Variants in PLXDC2 observed in about 807,000 individuals in gnomAD.
The protein encoded by PLXDC2 is plexin domain containing 2, also known as plexin domain-containing protein 2.
In PLXDC2, 40 loss-of-function variants were observed where a neutral mutation model predicts 68.9. The ratio of observed to expected loss-of-function variants is 0.58; its 90% CI spans 0.45 to 0.76. PLXDC2 has a LOEUF of 0.76. Among genes scored for constraint, PLXDC2 ranks in the 30% least tolerant of loss-of-function variants. The pLI, the probability that PLXDC2 is intolerant of heterozygous loss-of-function variation, is 0.00. For missense variants in PLXDC2, 644 were observed against 661.9 expected (o/e 0.97, Z 0.30); for synonymous variants, 243 against 234.2 (o/e 1.04, Z -0.34).
At chr10:19,934,440 G>C (rs145820242) in intron 1 of PLXDC2, among the ~76,000 whole-genome samples, 81 of 152,282 alleles carry the variant, frequency 5.3e-4, no homozygotes, top group African/African-American at 1.7e-3. Flanking sequence ...AACAACAAGA[G>C]AGATGCCACC....
chr10:20,034,935 G>A (rs770508419), intron 2 of PLXDC2, among the ~76,000 whole-genome samples: 11 of 152,116 alleles, frequency 7.2e-5, no homozygotes, highest in Non-Finnish European at 1.5e-4. Context: ...ACTCCATAAT[G>A]TTTGTACAAT....
chr10:20,147,950 G>C, intron 6 of PLXDC2, 48 bp downstream of exon 6: 1 of 1,284,600 alleles, frequency 7.8e-7, no homozygotes, highest in East Asian at 2.3e-5. Flanking sequence ...GTTCTTGACT[G>C]CTGCCTTTCC....
chr10:20,193,614 T>C (rs1429207188), intron 9 of PLXDC2, among the ~76,000 whole-genome samples: 1 of 152,110 alleles, frequency 6.6e-6, no homozygotes, highest in African/African-American at 2.4e-5. Context: ...TAGCTTTTGC[T>C]ATAAATATTT....
chr10:20,089,414 C>T (rs1176477597), intron 4 of PLXDC2, among the ~76,000 whole-genome samples: 2 of 152,080 alleles, frequency 1.3e-5, no homozygotes, highest in South Asian at 4.1e-4. Context: ...GTAAACTGCA[C>T]ACATGTGTTT....
chr10:20,191,616 G>A (rs369937022), intron 9 of PLXDC2, among the ~76,000 whole-genome samples: 12 of 151,048 alleles, frequency 7.9e-5, no homozygotes, highest in African/African-American at 2.7e-4. Flanking sequence ...GCCCTGGTGT[G>A]TGTTGTTCCC....
At chr10:19,935,404 A>G (rs1833706457) in intron 1 of PLXDC2, among the ~76,000 whole-genome samples, 1 of 152,186 alleles carries the variant, frequency 6.6e-6, no homozygotes, top group Non-Finnish European at 1.5e-5. Flanking sequence ...GGCCCATGGA[A>G]GAACCCAAGG....
At chr10:20,010,759 A>G (rs1472930702) in intron 2 of PLXDC2, among the ~76,000 whole-genome samples, 3 of 152,218 alleles carry the variant, frequency 2.0e-5, no homozygotes, top group African/African-American at 4.8e-5. Context: ...ATGTTCAAAG[A>G]GAAATCTCAT....
intron 2 of PLXDC2, among the ~76,000 whole-genome samples, chr10:20,016,926 G>A (rs11011740): frequency 0.21 from 31,402 of 152,054 alleles, 3,411 homozygotes; most frequent in East Asian, 0.39. Flanking sequence ...TACAGGGAAA[G>A]CATCTTCCTG....
chr10:20,264,809 ATAGG>A (rs1445253902), intron 13 of PLXDC2, among the ~76,000 whole-genome samples: 1 of 152,072 alleles, frequency 6.6e-6, no homozygotes, highest in Non-Finnish European at 1.5e-5. Context: ...CATCTGGATA[ATAGG>A]AAAGAAAAAA....
rs11307851 is a variant in PLXDC2 at position 20,185,160 on chromosome 10, G to GAAA, written c.1061+7776_1061+7778dup. 7.7e-3 allele frequency among the ~76,000 whole-genome samples: 429 copies of GAAA among 56,010 alleles called. 33 individuals are homozygous for GAAA. The highest frequency in any genetic ancestry group is 0.015 in the South Asian group (16 of 1,092). 36.7% of individuals were successfully genotyped at this position (56,010 alleles called of 152,430 possible). On this transcript the variant is annotated intron_variant, in intron 9 of 13. Coordinates refer to ENST00000377252, the MANE Select transcript of PLXDC2 (RefSeq NM_032812.9). ...TGCACATACATCCCAGAACTGAAAG[G>GAAA]AAAAAAAAAAAAAAAAAAAAAAAAA...
At chr10:20,044,354 A>G (rs1266787612) in intron 2 of PLXDC2, among the ~76,000 whole-genome samples, 1 of 142,146 alleles carries the variant, frequency 7.0e-6, no homozygotes, top group African/African-American at 2.6e-5. Context: ...TCTGTTGCCC[A>G]GGCTGGAGTG....
chr10:19,905,597 T>C (rs1833145427), intron 1 of PLXDC2, among the ~76,000 whole-genome samples: 3 of 152,020 alleles, frequency 2.0e-5, no homozygotes, highest in Admixed American at 2.0e-4. Context: ...AGGGTCCCTA[T>C]ACTGAGTGCT....
At chr10:19,986,104 G>A (rs966140341) in intron 1 of PLXDC2, among the ~76,000 whole-genome samples, 10 of 152,194 alleles carry the variant, frequency 6.6e-5, no homozygotes, top group East Asian at 1.9e-4. Flanking sequence ...TGAATGAATG[G>A]ATGAATTTAC....
At chr10:19,885,734 C>A (rs1314848421) in intron 1 of PLXDC2, among the ~76,000 whole-genome samples, 1 of 152,110 alleles carries the variant, frequency 6.6e-6, no homozygotes, top group Non-Finnish European at 1.5e-5. Context: ...GGTACCAGTA[C>A]CATGCTGTTT....
intron 1 of PLXDC2, among the ~76,000 whole-genome samples, chr10:19,872,261 C>G (rs1476827833): frequency 2.0e-5 from 3 of 152,210 alleles, no homozygotes; most frequent in African/African-American, 7.2e-5. Flanking sequence ...GCCATTTCAT[C>G]CCTGAGGTGA....
chr10:19,947,204 G>A (rs866209898), intron 1 of PLXDC2, among the ~76,000 whole-genome samples: 2 of 152,172 alleles, frequency 1.3e-5, no homozygotes, highest in Non-Finnish European at 2.9e-5. Context: ...GTAGAAAAAT[G>A]CAGCCCTATG....
At chr10:20,231,262 GACAAATATAT>G (rs1310738491) in intron 12 of PLXDC2, among the ~76,000 whole-genome samples, 3 of 149,304 alleles carry the variant, frequency 2.0e-5, no homozygotes, top group Non-Finnish European at 4.5e-5. Flanking sequence ...TATGAATATT[GACAAATATAT>G]ACAAATATAT....
intron 1 of PLXDC2, among the ~76,000 whole-genome samples, chr10:19,914,123 TAGGG>T (rs1833324630): frequency 7.6e-6 from 1 of 131,598 alleles, no homozygotes. Context: ...GGTAGGGAGG[TAGGG>T]AGGAAGGAAA....
intron 1 of PLXDC2, among the ~76,000 whole-genome samples, chr10:19,832,428 A>G (rs188828211): frequency 1.2e-4 from 19 of 152,300 alleles, no homozygotes; most frequent in African/African-American, 4.1e-4. Flanking sequence ...TTAATTGAAA[A>G]CCTAGCCATT....
Sources: allele counts gnomAD v4.1 joint callset (sites outside exome capture counted in the v4.1 genomes callset), GRCh38; gene constraint gnomAD v4.1.1; transcripts MANE v1.5; gene names NCBI Gene and HGNC (gene_info 2026-07-23, HGNC 2026-07-21).